ABCC9: variants seen among roughly 807,000 people sequenced by gnomAD.
The protein encoded by ABCC9 is ATP-binding cassette sub-family C member 9.
ABCC9 carries 95 observed loss-of-function variants against 188.3 expected under a neutral mutation model. The observed-to-expected ratio is 0.50, with a 90% CI of 0.43 to 0.60. The LOEUF (loss-of-function observed/expected upper bound fraction) is 0.60, where lower values mean the gene tolerates loss of function less well. Ranked by LOEUF, ABCC9 falls within the 20% of genes least tolerant of loss-of-function variation. The probability of loss-of-function intolerance (pLI) is 0.00; values close to 1 mark genes in which losing one functional copy is unlikely to be tolerated. For synonymous variants in ABCC9, 659 were observed against 652.7 expected (o/e 1.01, Z -0.15); for missense variants, 1,102 against 1,876.3 (o/e 0.59, Z 7.62).
chr12:21,930,190 G>T (rs1949223069), intron 4 of ABCC9, among the ~76,000 whole-genome samples: 1 of 152,094 alleles, frequency 6.6e-6, no homozygotes, highest in African/African-American at 2.4e-5. Flanking sequence ...AGTATTCCAT[G>T]GTGTATATGT....
chr12:21,939,967 A>G (rs1949631364), intron 2 of ABCC9, among the ~76,000 whole-genome samples: 1 of 152,200 alleles, frequency 6.6e-6, no homozygotes, highest in Non-Finnish European at 1.5e-5. Context: ...TAGTTGGTGA[A>G]TATAATACCT....
At chr12:21,917,251 A>G in intron 5 of ABCC9, 148 bp from the exon 6 acceptor site, 1 of 859,280 alleles carries the variant, frequency 1.2e-6, no homozygotes, top group Non-Finnish European at 1.8e-6. Flanking sequence ...AACAACATAT[A>G]TGATTTAGTG....
intron 20 of ABCC9, among the ~76,000 whole-genome samples, chr12:21,862,194 T>G (rs1945551820): frequency 6.6e-6 from 1 of 152,112 alleles, no homozygotes; most frequent in African/African-American, 2.4e-5. Flanking sequence ...TTATTCCAAC[T>G]GACTCCTAAA....
intron 29 of ABCC9, among the ~76,000 whole-genome samples, chr12:21,839,881 G>A (rs894985946): frequency 2.6e-5 from 4 of 152,154 alleles, no homozygotes; most frequent in African/African-American, 7.2e-5. Flanking sequence ...ATGGGGATTC[G>A]GGGAGAGAAA....
At chr12:21,807,520 C>G in intron 37 of ABCC9, 41 bp from the exon 38 acceptor site, 4 of 1,612,784 alleles carry the variant, frequency 2.5e-6, no homozygotes, top group Non-Finnish European at 3.4e-6. Context: ...TAAAGAAATG[C>G]TACTAACATT....
chr12:21,840,291 A>G (rs1335875153), intron 29 of ABCC9, among the ~76,000 whole-genome samples: 8 of 152,230 alleles, frequency 5.3e-5, no homozygotes, highest in African/African-American at 1.9e-4. Flanking sequence ...AAAGAACCTC[A>G]ACATCTAGAA....
At position 21,814,631 on chromosome 12, in the gene ABCC9, G is replaced by A. The variant is rs767492149; in HGVS notation, c.4102+13C>T. The A allele has an allele frequency of 1.1e-5, 17 of 1,612,568 alleles. No individual in the cohort carries two copies. Among genetic ancestry groups the A allele is most frequent in the Non-Finnish European group, 1.3e-5 (15 of 1,178,930 alleles). ...ACCAAGTGGCCACTTAAAAAATTTA[G>A]TTAGCAACTCACCATCAAATATATC... On this transcript the variant is annotated intron_variant, in intron 35 of 39. Coordinates refer to ENST00000261200, the MANE Select transcript of ABCC9 (RefSeq NM_020297.4).
chr12:21,925,882 C>A, intron 5 of ABCC9, 60 bp downstream of exon 5: 2 of 1,555,756 alleles, frequency 1.3e-6, no homozygotes, highest in Non-Finnish European at 1.8e-6. Flanking sequence ...GAAAAATAAC[C>A]CTTTGGGGGG....
intron 35 of ABCC9, among the ~76,000 whole-genome samples, 191 bp downstream of exon 35, chr12:21,814,453 A>T (rs1479929008): frequency 6.6e-6 from 1 of 152,162 alleles, no homozygotes; most frequent in African/African-American, 2.4e-5. Context: ...AAGGCTCATC[A>T]TTTTATTTCC....
chr12:21,894,642 C>G (rs905181943), intron 13 of ABCC9, among the ~76,000 whole-genome samples: 31 of 129,324 alleles, frequency 2.4e-4, no homozygotes, highest in African/African-American at 8.9e-4. Flanking sequence ...CACGGTATCA[C>G]TTCATTGCCC....
Position 21,933,850 on chromosome 12 carries a change from T to C in ABCC9, c.216A>G (p.Arg72=). Reference sequence around the variant, plus strand: ...ACAGGAGAGCGAATGTAAGAATCCATCTCAGGTTATGTCCCGGAAAATGAA... The same window carrying C: ...ACAGGAGAGCGAATGTAAGAATCCACCTCAGGTTATGTCCCGGAAAATGAA... The part of the protein sequence containing the change: ...TWLHFPGHNL[R]WILTFALLFV... Residue 72 remains arginine, a synonymous_variant, in exon 4 of 40, where the codon AGA becomes AGG. Coordinates refer to ENST00000261200, the MANE Select transcript of ABCC9 (RefSeq NM_020297.4). The C allele has an allele frequency of 1.2e-6, 2 of 1,613,694 alleles. No homozygotes were observed. The highest frequency in any genetic ancestry group is 8.5e-7 in the Non-Finnish European group (1 of 1,179,694).
intron 30 of ABCC9, among the ~76,000 whole-genome samples, chr12:21,836,897 G>A (rs1944131095): frequency 6.6e-6 from 1 of 152,124 alleles, no homozygotes; most frequent in Non-Finnish European, 1.5e-5. Flanking sequence ...AAATAAAAAG[G>A]ACAACATGGC....
rs148098687 is a variant in ABCC9, at chr12:21,823,870, C to A, written c.3669+5088G>T. On this transcript the variant is annotated intron_variant, in intron 31 of 39. Transcript: ENST00000261200. The stretch of plus-strand genomic sequence containing the variant: ...AAAACAGTCCGCTCTGCTGCCAAAG[C>A]AAGTCCGGTGGCCAGCCACAGTCTA... 4.2e-3 allele frequency among the ~76,000 whole-genome samples: 636 copies of A among 152,364 alleles called. 4 individuals carry two copies. The highest frequency in any genetic ancestry group is 0.014 in the African/African-American group (601 of 41,586).
intron 15 of ABCC9, among the ~76,000 whole-genome samples, chr12:21,884,075 C>CT (rs201201740): frequency 8.4e-4 from 123 of 147,116 alleles, no homozygotes; most frequent in Admixed American, 1.1e-3. Context: ...AAATAATTAA[C>CT]TTTTTTTTTT....
chr12:21,809,883 C>A lies in ABCC9; in HGVS notation c.4284G>T (p.Lys1428Asn). 1 of 1,611,790 alleles carries A rather than the reference C, an allele frequency of 6.2e-7. No homozygotes were observed. Among genetic ancestry groups the A allele is most frequent in the South Asian group, 1.1e-5 (1 of 91,036 alleles). ...CTCCAGGTAGAGATTTGACCATATT[C>A]TTCAGCTGAGCAATTTCTAAGGCTT... The part of the protein sequence containing the change: ...LWEALEIAQL[K>N]NMVKSLPGGL... Residue 1428 changes from lysine (K) to asparagine (N), a missense_variant, in exon 37 of 40, where the codon AAG becomes AAT. Around this residue, in one of 12 missense-constraint regions of ABCC9, gnomAD observed 67 missense variants for 101.0 expected, o/e 0.66. Coordinates refer to ENST00000261200, the MANE Select transcript of ABCC9 (RefSeq NM_020297.4).
chr12:21,810,309 A>T (rs1942145584), intron 36 of ABCC9, among the ~76,000 whole-genome samples: 1 of 152,168 alleles, frequency 6.6e-6, no homozygotes. Flanking sequence ...ACATACATAC[A>T]TCTCTATGGG....
chr12:21,938,314 T>A (rs1949573079), intron 2 of ABCC9, among the ~76,000 whole-genome samples: 1 of 152,166 alleles, frequency 6.6e-6, no homozygotes, highest in African/African-American at 2.4e-5. Context: ...CATCTTTTTT[T>A]AAAAAGTTGT....
chr12:21,853,295 A>G (rs1388053820), intron 22 of ABCC9, among the ~76,000 whole-genome samples: 1 of 152,118 alleles, frequency 6.6e-6, no homozygotes, highest in Non-Finnish European at 1.5e-5. Flanking sequence ...GCGCCACTGC[A>G]CTCCAGCCTG....
chr12:21,936,491 A>G lies in ABCC9; in HGVS notation c.142+42T>C, dbSNP rs182534835. 11,219 of 1,548,094 alleles carry G rather than the reference A, an allele frequency of 7.2e-3. 55 individuals are homozygous for G. Among genetic ancestry groups the G allele is most frequent in the Non-Finnish European group, 8.6e-3 (9,698 of 1,124,832 alleles). On this transcript the variant is annotated intron_variant, in intron 3 of 39. Coordinates refer to ENST00000261200, the MANE Select transcript of ABCC9 (RefSeq NM_020297.4). ...CAAATCTCAGCCATTAGCGAGATAT[A>G]TAAACATCAAATGGTATAACATAAG...
Sources: gnomAD v4.1 joint callset for allele counts (sites outside exome capture counted in the v4.1 genomes callset) on GRCh38, gnomAD v4.1.1 for gene constraint, gnomAD v4.1.1 regional missense constraint, MANE v1.5 for transcripts, NCBI Gene and HGNC (gene_info 2026-07-23, HGNC 2026-07-21) for gene names.